RAPGEF6: variants seen among roughly 807,000 people sequenced by gnomAD.
RAPGEF6 encodes PDZ domain containing guanine nucleotide exchange factor (GEF) 2.
Under a neutral mutation model 171.4 loss-of-function variants are expected in RAPGEF6, and 56 were observed. The observed-to-expected ratio is 0.33, with a 90% confidence interval of 0.26 to 0.41. The LOEUF is 0.41. Among genes scored for constraint, RAPGEF6 ranks in the 10% least tolerant of loss-of-function variants. The pLI, the probability that RAPGEF6 is intolerant of heterozygous loss-of-function variation, is 1.00. For missense variants in RAPGEF6, 1,674 were observed against 1,921.4 expected, an observed-to-expected ratio of 0.87 and a Z score of 2.41; for synonymous variants, 692 against 650.1, an observed-to-expected ratio of 1.06 and a Z score of -0.98.
intron 13 of RAPGEF6, among the ~76,000 whole-genome samples, chr5:131,494,487 CAG>C (rs770586595): frequency 5.9e-5 from 9 of 152,132 alleles, no homozygotes; most frequent in Non-Finnish European, 1.3e-4. Flanking sequence ...GATAGTGAAA[CAG>C]AGTTTCAATA....
intron 24 of RAPGEF6, 38 bp downstream of exon 24, chr5:131,439,543 T>G: frequency 6.4e-7 from 1 of 1,569,002 alleles, no homozygotes; most frequent in Non-Finnish European, 8.6e-7. Context: ...AAGTATTGTT[T>G]AGTTTAACAA....
chr5:131,430,281 G>C (rs1009218552), intron 26 of RAPGEF6, among the ~76,000 whole-genome samples: 6 of 151,710 alleles, frequency 4.0e-5, no homozygotes, highest in Non-Finnish European at 8.8e-5. Flanking sequence ...TATAGTTTAG[G>C]AAAGAAATTT....
Position 131,551,332 on chromosome 5 carries a change from C to T in RAPGEF6, c.352-3142G>A, listed in dbSNP as rs1234450918. On this transcript the variant is annotated intron_variant, in intron 5 of 27. Coordinates refer to ENST00000509018, the MANE Select transcript of RAPGEF6 (RefSeq NM_016340.6). The stretch of plus-strand genomic sequence containing the variant: ...TTCAAGACCAGCCTGGCCAAGATGG[C>T]GAAACCCCATCTCTACTAAAAACTA... Among the ~76,000 whole-genome samples the T allele has an allele frequency of 3.3e-5, 5 of 151,676 alleles. 1 individual carries two copies. The highest frequency in any genetic ancestry group is 1.2e-4 in the African/African-American group (5 of 41,276).
At chr5:131,482,200 C>T (rs1288446474) in intron 15 of RAPGEF6, among the ~76,000 whole-genome samples, 1 of 151,938 alleles carries the variant, frequency 6.6e-6, no homozygotes, top group African/African-American at 2.4e-5. Flanking sequence ...ATAAAGTCTG[C>T]ATGATTAAAA....
At chr5:131,476,626 A>G (rs868754874) in intron 16 of RAPGEF6, among the ~76,000 whole-genome samples, 88 of 151,894 alleles carry the variant, frequency 5.8e-4, no homozygotes, top group African/African-American at 2.1e-3. Flanking sequence ...ATGCCCAGCT[A>G]ATTTTTGTAG....
At position 131,592,469 on chromosome 5, in the gene RAPGEF6, G is replaced by C; in HGVS notation, c.198-3C>G. The C allele has an allele frequency of 6.2e-7, 1 of 1,611,872 alleles. No individual in the cohort carries two copies. Among genetic ancestry groups the C allele is most frequent in the Non-Finnish European group, 8.5e-7 (1 of 1,178,770 alleles). Reference sequence around the variant, plus strand: ...AACATCTGGCAATCGTTTCTGAACTGTTTAAATAAATAAGTAAATAAATGA... The same window carrying C: ...AACATCTGGCAATCGTTTCTGAACTCTTTAAATAAATAAGTAAATAAATGA... On this transcript the variant is annotated splice_polypyrimidine_tract_variant and splice_region_variant and intron_variant, in intron 3 of 27. Coordinates refer to ENST00000509018, the MANE Select transcript of RAPGEF6 (RefSeq NM_016340.6).
intron 3 of RAPGEF6, among the ~76,000 whole-genome samples, chr5:131,595,032 A>G (rs2150006177): frequency 6.6e-6 from 1 of 152,232 alleles, no homozygotes. Context: ...GACTGCTGGG[A>G]AGGCATGATT....
intron 3 of RAPGEF6, among the ~76,000 whole-genome samples, chr5:131,599,337 AAC>A: frequency 6.7e-6 from 1 of 150,036 alleles, no homozygotes; most frequent in African/African-American, 2.5e-5. Context: ...AAAAACAAAA[AAC>A]AACAACAACA....
chr5:131,574,793 G>A (rs760818209), intron 4 of RAPGEF6, among the ~76,000 whole-genome samples: 8 of 151,748 alleles, frequency 5.3e-5, no homozygotes, highest in Non-Finnish European at 7.4e-5. Context: ...CCTCCTTGGC[G>A]ACCAATCAGG....
intron 19 of RAPGEF6, among the ~76,000 whole-genome samples, chr5:131,459,028 A>G (rs1753715537): frequency 6.6e-6 from 1 of 152,220 alleles, no homozygotes; most frequent in Admixed American, 6.5e-5. Context: ...TGCCAGAAAT[A>G]GCCAAAGAAA....
intron 4 of RAPGEF6, among the ~76,000 whole-genome samples, chr5:131,574,550 C>A (rs1471200031): frequency 1.3e-5 from 2 of 152,174 alleles, no homozygotes; most frequent in Non-Finnish European, 2.9e-5. Context: ...AACTCCCCAA[C>A]TCTGGTGCCA....
At chr5:131,476,594 G>A (rs1253124505) in intron 16 of RAPGEF6, among the ~76,000 whole-genome samples, 1 of 152,120 alleles carries the variant, frequency 6.6e-6, no homozygotes, top group Non-Finnish European at 1.5e-5. Context: ...CCGAGTAACT[G>A]GGATTACAGG....
Position 131,567,937 on chromosome 5 carries a change from C to T in RAPGEF6, c.282-5890G>A, listed in dbSNP as rs147685173. Among the ~76,000 whole-genome samples, 84 of 152,250 alleles carry T rather than the reference C, an allele frequency of 5.5e-4. 1 individual carries two copies. The East Asian group carries it at 0.013, about 23-fold the overall frequency. On this transcript the variant is annotated intron_variant, in intron 4 of 27. Transcript: ENST00000509018. ...TAATGTATTAATCCTTTTAACACTA[C>T]GAAATTTTGCTTCTGGTCTCTAGTA...
At chr5:131,459,333 G>A (rs576923135) in intron 19 of RAPGEF6, among the ~76,000 whole-genome samples, 1 of 152,284 alleles carries the variant, frequency 6.6e-6, no homozygotes, top group African/African-American at 2.4e-5. Context: ...ATGTTGTCTA[G>A]GGTGTTCTAA....
chr5:131,428,409 A>G (rs10062078), intron 27 of RAPGEF6, among the ~76,000 whole-genome samples: 64,754 of 151,820 alleles, frequency 0.43, 18,193 homozygotes, highest in African/African-American at 0.8. Context: ...GTTAGACCCT[A>G]TCTTGAAAAA....
intron 10 of RAPGEF6, 82 bp from the exon 11 acceptor site, chr5:131,504,860 T>A: frequency 7.8e-7 from 1 of 1,274,232 alleles, no homozygotes; most frequent in African/African-American, 1.5e-5. Flanking sequence ...AGCACAAAGG[T>A]AAGAAATCTA....
intron 1 of RAPGEF6, among the ~76,000 whole-genome samples, chr5:131,609,718 T>C (rs1363049887): frequency 6.6e-6 from 1 of 152,214 alleles, no homozygotes; most frequent in Non-Finnish European, 1.5e-5. Context: ...CAACCAGTCA[T>C]TTGATAACAA....
chr5:131,482,672 T>G (rs1755570068), intron 15 of RAPGEF6, among the ~76,000 whole-genome samples: 1 of 152,218 alleles, frequency 6.6e-6, no homozygotes, highest in Non-Finnish European at 1.5e-5. Context: ...GGTCAGGCAC[T>G]TCACTTGATG....
chr5:131,472,678 C>T lies in RAPGEF6; in HGVS notation c.2148G>A (p.Leu716=). 6.2e-7 allele frequency: 1 copy of T among 1,612,888 alleles called. No homozygotes were observed. Among genetic ancestry groups the T allele is most frequent in the Middle Eastern group, 1.7e-4 (1 of 6,060 alleles). ...GTGTTCCAGGGATGGGCATTATAGC[C>T]AGACTATGCCTACAGTGCCTTGTTC... ...IVGTRHCRHS[L]AIMPIPGTLS... The change falls in exon 17 of 28, where the codon CTG becomes CTA. Residue 716 remains leucine (L), a synonymous_variant. Transcript: ENST00000509018.
Sources: gnomAD v4.1 joint callset for allele counts (sites outside exome capture counted in the v4.1 genomes callset) on GRCh38, gnomAD v4.1.1 for gene constraint, MANE v1.5 for transcripts, NCBI Gene and HGNC (gene_info 2026-07-23, HGNC 2026-07-21) for gene names.